Variants in CHD2 observed in about 807,000 individuals in gnomAD.
The protein encoded by CHD2 is chromodomain helicase DNA binding protein 2.
CHD2 carries 28 observed loss-of-function variants against 243.9 expected under a neutral mutation model. That is an observed-to-expected ratio of 0.11 (90% CI 0.09 to 0.16). CHD2 has a LOEUF of 0.16. Among genes scored for constraint, CHD2 ranks in the 10% least tolerant of loss-of-function variants. The probability of loss-of-function intolerance (pLI) is 1.00; values close to 1 mark genes in which losing one functional copy is unlikely to be tolerated. For synonymous variants in CHD2, 775 were observed against 779.0 expected (o/e 0.99, Z 0.09); for missense variants, 1,386 against 2,209.8 (o/e 0.63, Z 7.47).
rs138146202 is a variant in CHD2 at position 93,017,129 on chromosome 15, C to T, written c.4906+2220C>T. Among the ~76,000 whole-genome samples, 588 of 152,258 alleles carry T rather than the reference C, an allele frequency of 3.9e-3. 5 individuals carry two copies. The highest frequency in any genetic ancestry group is 0.014 in the African/African-American group (568 of 41,554). ...GAAAATAATCTGAAAACCCACTCTG[C>T]GGGTTGTCTGTTCCTCCAGCAGTGG... On this transcript the variant is annotated intron_variant, in intron 37 of 38. Coordinates refer to ENST00000394196, the MANE Select transcript of CHD2 (RefSeq NM_001271.4).
At chr15:92,949,618 G>C (rs569130351) in intron 13 of CHD2, among the ~76,000 whole-genome samples, 24 of 151,998 alleles carry the variant, frequency 1.6e-4, no homozygotes, top group African/African-American at 7.3e-5. Context: ...GTTAATCTTG[G>C]GGGGGTGAAA....
At chr15:92,912,276 G>C (rs1250928050) in intron 2 of CHD2, among the ~76,000 whole-genome samples, 1 of 152,154 alleles carries the variant, frequency 6.6e-6, no homozygotes, top group Non-Finnish European at 1.5e-5. Context: ...ATTGTCCAAA[G>C]CTCTGGGTGG....
intron 18 of CHD2, 79 bp from the exon 19 acceptor site, chr15:92,972,186 A>G: frequency 2.7e-6 from 4 of 1,457,046 alleles, no homozygotes; most frequent in Non-Finnish European, 3.7e-6. Flanking sequence ...ATGATTTTTA[A>G]AATATGGATT....
intron 27 of CHD2, 133 bp from the exon 28 acceptor site, chr15:92,992,726 G>A: frequency 9.4e-7 from 1 of 1,066,800 alleles, no homozygotes; most frequent in Non-Finnish European, 1.3e-6. Flanking sequence ...TGGAGCCTTA[G>A]AATGACCACT....
intron 7 of CHD2, among the ~76,000 whole-genome samples, chr15:92,941,123 T>A (rs1364704503): frequency 6.6e-6 from 1 of 150,728 alleles, no homozygotes; most frequent in East Asian, 1.9e-4. Flanking sequence ...TGCCTCAGCC[T>A]CCAGAGTAGC....
intron 2 of CHD2, among the ~76,000 whole-genome samples, chr15:92,919,757 C>T (rs993135721): frequency 6.6e-6 from 1 of 152,266 alleles, no homozygotes; most frequent in South Asian, 2.1e-4. Context: ...GATGTACTTG[C>T]CGCCCTTGGT....
chr15:92,946,605 GCCT>G (rs2053472312), intron 12 of CHD2: 1 of 153,204 alleles, frequency 6.5e-6, no homozygotes. Context: ...TCCTGCCTCA[GCCT>G]CCTGAGCAGC....
intron 5 of CHD2, among the ~76,000 whole-genome samples, chr15:92,936,944 T>G (rs1163367411): frequency 6.6e-6 from 1 of 152,076 alleles, no homozygotes; most frequent in Admixed American, 6.6e-5. Context: ...CTCAAACTCC[T>G]GGGTTCAAGT....
Position 92,974,936 on chromosome 15 carries a change from G to A in CHD2, c.2563G>A (p.Ala855Thr). 6.2e-7 allele frequency: 1 copy of A among 1,613,668 alleles called. No homozygotes were observed. The highest frequency in any genetic ancestry group is 1.1e-5 in the South Asian group (1 of 91,084). Residue 855 changes from alanine (A) to threonine (T), a missense_variant, in exon 20 of 39, where the codon GCA (alanine) becomes ACA (threonine). Physicochemically the swap from Ala to Thr is moderately conservative, Grantham distance 58 (BLOSUM62 0). Around this residue, in one of 19 missense-constraint regions of CHD2, gnomAD observed 118 missense variants for 266.3 expected, o/e 0.44. Coordinates refer to ENST00000394196, the MANE Select transcript of CHD2 (RefSeq NM_001271.4). The stretch of plus-strand genomic sequence containing the variant: ...AAAACAGGCACTGGACCACTTCAAT[G>A]CAGATGGGTCTGAGGTATACTATGC... ...IRKQALDHFN[A>T]DGSEDFCFLL...
chr15:92,956,690 C>G, intron 16 of CHD2, 41 bp downstream of exon 16: 4 of 1,543,838 alleles, frequency 2.6e-6, no homozygotes, highest in African/African-American at 1.4e-5. Context: ...GCTAGAATGT[C>G]TGAAATGCCA....
intron 9 of CHD2, chr15:92,943,363 G>A (rs2053412662): frequency 2.9e-6 from 1 of 345,868 alleles, no homozygotes; most frequent in Non-Finnish European, 5.5e-6. Flanking sequence ...TTGTAGATGG[G>A]GAGAATACGG....
At chr15:92,966,681 C>T (rs535656509) in intron 16 of CHD2, among the ~76,000 whole-genome samples, 1 of 152,130 alleles carries the variant, frequency 6.6e-6, no homozygotes, top group South Asian at 2.1e-4. Flanking sequence ...GAGGCCGAGG[C>T]AGGCGGATCA....
rs2141844231 is a variant in CHD2, at chr15:92,979,190, G to A, written c.2783G>A (p.Arg928Gln). Residue 928 changes from arginine to glutamine, a missense_variant, in exon 22 of 39, where the codon CGG (arginine) becomes CAG (glutamine). Around this residue, in one of 19 missense-constraint regions of CHD2, gnomAD observed 18 missense variants for 115.3 expected, o/e 0.16. Transcript: ENST00000394196. ...KGTVEEEIIE[R>Q]AKKKMVLDHL... ...ACTGTGGAGGAGGAGATCATAGAACGGGCCAAAAAGAAGATGGTATTAGAT... is the reference window on the plus strand; with the variant it reads ...ACTGTGGAGGAGGAGATCATAGAACAGGCCAAAAAGAAGATGGTATTAGAT... The A allele has an allele frequency of 1.2e-6, 2 of 1,613,938 alleles. No homozygotes were observed. The highest frequency in any genetic ancestry group is 1.7e-6 in the Non-Finnish European group (2 of 1,179,982).
intron 2 of CHD2, chr15:92,904,443 C>T: frequency 1.0e-6 from 1 of 988,360 alleles, no homozygotes; most frequent in African/African-American, 1.7e-5. Context: ...GCCGCGTGCG[C>T]ATGTCGGGCG....
In CHD2 at chr15:93,014,806, T is replaced by G; in HGVS notation, c.4803T>G (p.Leu1601=). The G allele has an allele frequency of 6.2e-7, 1 of 1,614,122 alleles. No individual in the cohort carries two copies. Among genetic ancestry groups the G allele is most frequent in the South Asian group, 1.1e-5 (1 of 91,076 alleles). ...LISQSHTSHN[L]HPQKPHLPAS... ...CTCAGTCCCATACCTCACACAACCTTCACCCTCAGAAGCCTCATTTGCCTG... is the reference window on the plus strand; with the variant it reads ...CTCAGTCCCATACCTCACACAACCTGCACCCTCAGAAGCCTCATTTGCCTG... The change falls in exon 37 of 39, where the codon CTT becomes CTG. Residue 1601 remains leucine, a synonymous_variant. Coordinates refer to ENST00000394196, the MANE Select transcript of CHD2 (RefSeq NM_001271.4).
At chr15:92,938,070 G>A (rs1168776733) in intron 6 of CHD2, among the ~76,000 whole-genome samples, 4 of 152,206 alleles carry the variant, frequency 2.6e-5, no homozygotes, top group African/African-American at 7.2e-5. Flanking sequence ...GCCTAAGATA[G>A]TGATGACAGG....
At chr15:92,981,014 G>A (rs1209833446) in intron 23 of CHD2, 103 bp downstream of exon 23, 6 of 787,978 alleles carry the variant, frequency 7.6e-6, no homozygotes, top group Non-Finnish European at 1.3e-5. Context: ...TAAAGAAAAA[G>A]TAATTACTTG....
intron 34 of CHD2, 86 bp downstream of exon 34, chr15:93,004,837 A>T: frequency 2.1e-6 from 3 of 1,407,808 alleles, no homozygotes; most frequent in Non-Finnish European, 2.9e-6. Flanking sequence ...CCAGAGCTTC[A>T]GTTGAGCTAA....
At chr15:93,006,124 CTTTTTTTT>C (rs55820002) in intron 34 of CHD2, among the ~76,000 whole-genome samples, 3 of 125,262 alleles carry the variant, frequency 2.4e-5, no homozygotes, top group Non-Finnish European at 3.3e-5. Context: ...CTCTCTCTCT[CTTTTTTTT>C]TTTTTTTTTT....
Sources: gnomAD v4.1 joint callset for allele counts (sites outside exome capture counted in the v4.1 genomes callset) on GRCh38, gnomAD v4.1.1 for gene constraint, gnomAD v4.1.1 regional missense constraint, MANE v1.5 for transcripts, NCBI Gene and HGNC (gene_info 2026-07-23, HGNC 2026-07-21) for gene names.